The following CLEC6A variants were observed in gnomAD, a reference collection of about 807,000 sequenced individuals.
CLEC6A encodes the protein C-type lectin domain containing 6A, also known as C-type lectin domain family 6 member A.
CLEC6A carries 22 observed loss-of-function variants against 25.7 expected under a neutral mutation model. The observed-to-expected ratio is 0.85, with a 90% CI of 0.61 to 1.22. The LOEUF is 1.22. Among genes scored for constraint, CLEC6A ranks in the 50% most tolerant of loss-of-function variants. The pLI is 0.00. For missense variants in CLEC6A, 240 were observed against 236.8 expected, an observed-to-expected ratio of 1.01 and a Z score of -0.09; for synonymous variants, 92 against 76.7, an observed-to-expected ratio of 1.20 and a Z score of -1.04.
chr12:8,465,372 GA>G (rs1939816003), intron 3 of CLEC6A, 111 bp from the exon 4 acceptor site: 2 of 1,020,088 alleles, frequency 2.0e-6, no homozygotes, highest in Non-Finnish European at 2.8e-6. Context: ...TATAATTCAG[GA>G]AACAGTAAAA....
At chr12:8,472,153 G>C (rs992301344) in intron 4 of CLEC6A, among the ~76,000 whole-genome samples, 1 of 152,094 alleles carries the variant, frequency 6.6e-6, no homozygotes, top group African/African-American at 2.4e-5. Context: ...GATTCCAGGA[G>C]TCTCTCAAAC....
chr12:8,470,455 C>T (rs939162107), intron 4 of CLEC6A, among the ~76,000 whole-genome samples: 13 of 152,058 alleles, frequency 8.5e-5, no homozygotes, highest in African/African-American at 3.1e-4. Flanking sequence ...GAAAATAAGT[C>T]ATTATATGAA....
chr12:8,463,498 A>G (rs1217843723), intron 3 of CLEC6A, among the ~76,000 whole-genome samples: 1 of 152,206 alleles, frequency 6.6e-6, no homozygotes, highest in African/African-American at 2.4e-5. Context: ...AGAATGAAAA[A>G]GGCTTTGTTT....
chr12:8,456,858 T>G (rs1204149069), intron 1 of CLEC6A, among the ~76,000 whole-genome samples: 5 of 152,124 alleles, frequency 3.3e-5, no homozygotes, highest in African/African-American at 1.2e-4. Flanking sequence ...ACCTGTAATC[T>G]CAGCACTTTG....
chr12:8,462,682 C>A lies in CLEC6A; in HGVS notation c.224-2802C>A, dbSNP rs188540989. 8.1e-3 allele frequency among the ~76,000 whole-genome samples: 1,223 copies of A among 151,770 alleles called. 19 individuals carry two copies. The highest frequency in any genetic ancestry group is 0.029 in the African/African-American group (1,184 of 41,334). The stretch of plus-strand genomic sequence containing the variant: ...CCTTCTCTCCACTATTATCTTATGA[C>A]CCTGCCACATCCCCCTCTCTGAGAA... On this transcript the variant is annotated intron_variant, in intron 3 of 5. Coordinates refer to ENST00000382073, the MANE Select transcript of CLEC6A (RefSeq NM_001007033.2).
rs1204034351 is a variant in CLEC6A, at chr12:8,477,354, G to A, written c.520G>A (p.Glu174Lys). The change falls in exon 6 of 6, where the codon GAG becomes AAG. Residue 174 changes from glutamate (E) to lysine (K), a missense_variant. Physicochemically the swap from Glu to Lys is moderately conservative, Grantham distance 56. Transcript: ENST00000382073. ...CCTAGGTGAGCCCAATCATTCTGCA[G>A]AGCAATGTGCTTCAATAGTCTTCTG... ...WHLGEPNHSA[E>K]QCASIVFWKP... is the part of the protein sequence containing the mutation. The A allele has an allele frequency of 6.2e-7, 1 of 1,612,204 alleles. No individual in the cohort carries two copies.
chr12:8,459,831 T>C, intron 3 of CLEC6A, 133 bp downstream of exon 3: 1 of 646,514 alleles, frequency 1.5e-6, no homozygotes, highest in South Asian at 1.8e-5. Context: ...GATATTTTCA[T>C]AATTTCTCTA....
chr12:8,467,305 C>T (rs1306407484), intron 4 of CLEC6A, among the ~76,000 whole-genome samples: 10 of 152,096 alleles, frequency 6.6e-5, no homozygotes. Context: ...TGTTTTCTTC[C>T]TGGAGTTTTA....
rs1039625549 is a variant in CLEC6A, at chr12:8,461,882, C to A, written c.223+2184C>A. On this transcript the variant is annotated intron_variant, in intron 3 of 5. Coordinates refer to ENST00000382073, the MANE Select transcript of CLEC6A (RefSeq NM_001007033.2). ...AGTTTTGACTGTTTTGCTTGTCAAC[C>A]CCCAAAAAGGATTTTGAAAACATAT... 3.3e-5 allele frequency among the ~76,000 whole-genome samples: 5 copies of A among 152,134 alleles called. No homozygotes were observed. In the South Asian group the frequency reaches 6.2e-4, roughly 19 times the overall value.
chr12:8,462,106 G>A (rs1939764451), intron 3 of CLEC6A, among the ~76,000 whole-genome samples: 1 of 152,126 alleles, frequency 6.6e-6, no homozygotes, highest in African/African-American at 2.4e-5. Context: ...GTCAACTCAG[G>A]GTTAAATGGA....
chr12:8,470,848 A>G (rs2136364199), intron 4 of CLEC6A, among the ~76,000 whole-genome samples: 1 of 152,212 alleles, frequency 6.6e-6, no homozygotes, highest in South Asian at 2.1e-4. Context: ...ACCACTAAAG[A>G]ACTTATTCAT....
chr12:8,465,840 G>T (rs1327476440), intron 4 of CLEC6A, among the ~76,000 whole-genome samples: 3 of 152,014 alleles, frequency 2.0e-5, no homozygotes, highest in Non-Finnish European at 4.4e-5. Flanking sequence ...GAAAGCCCTG[G>T]CAATCACTCC....
Position 8,477,586 on chromosome 12 carries a change from T to C in CLEC6A, c.*122T>C. On this transcript the variant is annotated 3_prime_UTR_variant, in exon 6 of 6. Coordinates refer to ENST00000382073, the MANE Select transcript of CLEC6A (RefSeq NM_001007033.2). ...CTGAATTTACACATAATCCTTATGT[T>C]ATAGAGGTTCACAGAAATGGAAAGA... The C allele has an allele frequency of 1.5e-6, 1 of 676,194 alleles. No individual in the cohort carries two copies. Among genetic ancestry groups the C allele is most frequent in the Non-Finnish European group, 2.3e-6 (1 of 433,622 alleles). The allele number at this position is 676,194 out of a possible 1,614,324, so 41.9% of individuals were successfully genotyped here.
intron 3 of CLEC6A, among the ~76,000 whole-genome samples, chr12:8,461,753 C>A (rs1411885044): frequency 6.6e-6 from 1 of 152,168 alleles, no homozygotes; most frequent in Non-Finnish European, 1.5e-5. Context: ...CACATTGTAT[C>A]TTCTTCAGTT....
intron 2 of CLEC6A, among the ~76,000 whole-genome samples, 165 bp downstream of exon 2, chr12:8,458,152 CT>C (rs1591705075): frequency 6.6e-6 from 1 of 152,186 alleles, no homozygotes; most frequent in African/African-American, 2.4e-5. Flanking sequence ...CTCCCTCTAT[CT>C]TTTGAAAACT....
intron 3 of CLEC6A, among the ~76,000 whole-genome samples, chr12:8,462,478 T>C (rs1939771191): frequency 7.0e-6 from 1 of 143,122 alleles, no homozygotes. Context: ...AACCCGATTG[T>C]ATGTTCCATC....
chr12:8,472,994 C>CTTTTTTTTTTTTTT (rs746059514), intron 4 of CLEC6A, among the ~76,000 whole-genome samples: 175 of 3,572 alleles, frequency 0.049, 78 homozygotes, highest in Middle Eastern at 0.5. Flanking sequence ...GCTCCTACTT[C>CTTTTTTTTTTTTTT]TTTTTTTTTT....
At chr12:8,472,901 A>G (rs969615185) in intron 4 of CLEC6A, among the ~76,000 whole-genome samples, 1 of 151,592 alleles carries the variant, frequency 6.6e-6, no homozygotes, top group African/African-American at 2.4e-5. Context: ...CCATTACCCC[A>G]TTCCATTCCC....
intron 3 of CLEC6A, among the ~76,000 whole-genome samples, chr12:8,462,546 C>G (rs1326145486): frequency 6.7e-4 from 92 of 137,260 alleles, no homozygotes; most frequent in African/African-American, 2.4e-3. Flanking sequence ...GGCAACAATA[C>G]TGCTCTGTAA....
Sources: gnomAD v4.1 joint callset for allele counts (sites outside exome capture counted in the v4.1 genomes callset) on GRCh38, gnomAD v4.1.1 for gene constraint, MANE v1.5 for transcripts, NCBI Gene and HGNC (gene_info 2026-07-23, HGNC 2026-07-21) for gene names.